The following ANKRD28 variants were observed in gnomAD, a reference collection of about 807,000 sequenced individuals.
ANKRD28 encodes the protein serine/threonine-protein phosphatase 6 regulatory ankyrin repeat subunit A.
In ANKRD28, 44 loss-of-function variants were observed where a neutral mutation model predicts 126.5. The observed-to-expected ratio is 0.35, with a 90% CI of 0.27 to 0.45. The LOEUF is 0.45. ANKRD28 is among the 20% of genes least tolerant of loss of function. The probability of loss-of-function intolerance (pLI) is 1.00; values close to 1 mark genes in which losing one functional copy is unlikely to be tolerated. For missense variants in ANKRD28, 1,110 were observed against 1,316.6 expected, an observed-to-expected ratio of 0.84 and a Z score of 2.43; for synonymous variants, 442 against 468.5, an observed-to-expected ratio of 0.94 and a Z score of 0.73.
Position 15,797,838 on chromosome 3 carries a change from AG to A in ANKRD28, c.-1318del, listed in dbSNP as rs1559552012. 2.0e-6 allele frequency: 2 copies of A among 985,282 alleles called. No homozygotes were observed. The highest frequency in any genetic ancestry group is 2.3e-4 in the East Asian group (2 of 8,830). The allele number at this position is 985,282 out of a possible 1,614,324, so 61.0% of individuals were successfully genotyped here. ...ACACCACTGACATCCCCAAATGAGT[AG>A]GTCCTTAAAAAATATCTATAGAACC... On this transcript the variant is annotated 5_prime_UTR_variant, in exon 1 of 28. Transcript: ENST00000683139.
chr3:15,708,144 C>A, intron 13 of ANKRD28, 80 bp from the exon 14 acceptor site: 1 of 1,442,040 alleles, frequency 6.9e-7, no homozygotes, highest in South Asian at 1.3e-5. Flanking sequence ...ACTCTTACTC[C>A]TCCCAGTTAC....
chr3:15,781,198 T>C (rs2059523986), intron 2 of ANKRD28, among the ~76,000 whole-genome samples: 1 of 152,016 alleles, frequency 6.6e-6, no homozygotes, highest in Non-Finnish European at 1.5e-5. Context: ...GAAAACAACC[T>C]GATTAAAAGA....
rs2061368854 is a variant in ANKRD28, at chr3:15,838,639, T to C, written c.27+20738A>G. On this transcript the variant is annotated intron_variant, in intron 1 of 27. Coordinates refer to the ANKRD28 transcript ENST00000399451. The surrounding 1 kb of genome is among the most constrained non-coding windows in gnomAD (Gnocchi z 4.0). ...GGCACATGCCTGTAATCCCAGCTAC[T>C]TGGGAGGCTGAGGCAGGAGAACTAC... Among the ~76,000 whole-genome samples the C allele has an allele frequency of 6.6e-6, 1 of 151,860 alleles. No individual in the cohort carries two copies. Among genetic ancestry groups the C allele is most frequent in the Admixed American group, 6.6e-5 (1 of 15,258 alleles).
At position 15,678,484 on chromosome 3, in the gene ANKRD28, C is replaced by A. The variant is rs1575103780; in HGVS notation, c.2562-130G>T. 5 of 730,276 alleles carry A rather than the reference C, an allele frequency of 6.8e-6. No individual in the cohort carries two copies. The East Asian group carries it at 1.5e-4, about 22-fold the overall frequency. 45.2% of individuals were successfully genotyped at this position (730,276 alleles called of 1,614,324 possible). Reference sequence around the variant, plus strand: ...AGGCTACAAAAGCACTGCCTGTACACAAACAAATAGGCTCAATGGAGCTTA... The same window carrying A: ...AGGCTACAAAAGCACTGCCTGTACAAAAACAAATAGGCTCAATGGAGCTTA... On this transcript the variant is annotated intron_variant, in intron 23 of 27. Coordinates refer to ENST00000683139, the MANE Select transcript of ANKRD28 (RefSeq NM_001349278.2).
chr3:15,668,891 T>C lies in ANKRD28; in HGVS notation c.*1379A>G, dbSNP rs940527484. Reference sequence around the variant, plus strand: ...TTGGGTATCATTTTGTTGCAATTTATAGAACTTTACCCATACCTGTAAGAC... The same window carrying C: ...TTGGGTATCATTTTGTTGCAATTTACAGAACTTTACCCATACCTGTAAGAC... On this transcript the variant is annotated 3_prime_UTR_variant, in exon 28 of 28. Transcript: ENST00000683139. The C allele has an allele frequency of 3.9e-5, 6 of 152,676 alleles. No individual in the cohort carries two copies. Among genetic ancestry groups the C allele is most frequent in the African/African-American group, 1.4e-4 (6 of 41,466 alleles). 9.5% of individuals were successfully genotyped at this position (152,676 alleles called of 1,614,324 possible).
At chr3:15,685,161 A>C in intron 21 of ANKRD28, 65 bp downstream of exon 21, 1 of 1,561,768 alleles carries the variant, frequency 6.4e-7, no homozygotes, top group Admixed American at 1.7e-5. Context: ...TTTGCCTTAT[A>C]AATATGTCAT....
Position 15,737,099 on chromosome 3 carries a change from A to T in ANKRD28, c.486T>A (p.Asn162Lys), listed in dbSNP as rs2075068981. 6.2e-7 allele frequency: 1 copy of T among 1,613,888 alleles called. No homozygotes were observed. Among genetic ancestry groups the T allele is most frequent in the Non-Finnish European group, 8.5e-7 (1 of 1,179,912 alleles). Reference sequence around the variant, plus strand: ...TCCCTGCTCGATCAGATACGTTTACATTACTCAGAAGAGGTACCAAAGCTT... The same window carrying T: ...TCCCTGCTCGATCAGATACGTTTACTTTACTCAGAAGAGGTACCAAAGCTT... The part of the protein sequence containing the change: ...CAEALVPLLS[N>K]VNVSDRAGRT... The change falls in exon 5 of 28, where the codon AAT becomes AAA. Residue 162 changes from asparagine to lysine, a missense_variant. Asn to Lys is a moderately conservative substitution (Grantham distance 94, BLOSUM62 0). Transcript: ENST00000683139.
At chr3:15,774,578 TA>T (rs1442620501) in intron 2 of ANKRD28, among the ~76,000 whole-genome samples, 2 of 152,152 alleles carry the variant, frequency 1.3e-5, no homozygotes, top group African/African-American at 4.8e-5. Flanking sequence ...AGCAAAATGT[TA>T]AAAGCACTCA....
intron 4 of ANKRD28, 145 bp from the exon 5 acceptor site, chr3:15,737,378 T>C: frequency 1.4e-6 from 1 of 710,016 alleles, no homozygotes; most frequent in South Asian, 2.1e-5. Context: ...TATAAACAAG[T>C]AGGAATTTAC....
chr3:15,700,261 C>A (rs1362986048), intron 14 of ANKRD28, among the ~76,000 whole-genome samples: 1 of 152,032 alleles, frequency 6.6e-6, no homozygotes, highest in African/African-American at 2.4e-5. Flanking sequence ...AACATGTGGA[C>A]ACAGGGAGGG....
chr3:15,696,167 T>C lies in ANKRD28; in HGVS notation c.1626A>G (p.Ser542=), dbSNP rs1367998261. The change falls in exon 15 of 28, where the codon TCA becomes TCG. Residue 542 remains serine, a synonymous_variant. Coordinates refer to ENST00000683139, the MANE Select transcript of ANKRD28 (RefSeq NM_001349278.2). Reference sequence around the variant, plus strand: ...GACATAGACGGTGACCATAAGCAGCTGAATAATGAACTGCGTTGTATCCTT... The same window carrying C: ...GACATAGACGGTGACCATAAGCAGCCGAATAATGAACTGCGTTGTATCCTT... ...DKQGYNAVHY[S]AAYGHRLCLQ... The C allele has an allele frequency of 6.3e-7, 1 of 1,591,962 alleles. No homozygotes were observed. Among genetic ancestry groups the C allele is most frequent in the Non-Finnish European group, 8.6e-7 (1 of 1,167,256 alleles).
chr3:15,704,682 ATTGTACCCAATT>A (rs1257327258), intron 14 of ANKRD28, among the ~76,000 whole-genome samples: 2 of 152,198 alleles, frequency 1.3e-5, no homozygotes, highest in Non-Finnish European at 2.9e-5. Context: ...ATTGGGTACA[ATTGTACCCAATT>A]TAAGAAAAAT....
At chr3:15,768,692 CAT>C (rs2058861419) in intron 2 of ANKRD28, among the ~76,000 whole-genome samples, 3 of 152,022 alleles carry the variant, frequency 2.0e-5, no homozygotes, top group Admixed American at 6.6e-5. Context: ...ATGTGTGTAA[CAT>C]ATAATTATCA....
intron 4 of ANKRD28, among the ~76,000 whole-genome samples, chr3:15,748,184 T>C (rs1380638713): frequency 6.6e-6 from 1 of 152,240 alleles, no homozygotes; most frequent in Non-Finnish European, 1.5e-5. Context: ...TTAGGCCATT[T>C]ACATTCAATG....
intron 2 of ANKRD28, among the ~76,000 whole-genome samples, chr3:15,770,191 C>G (rs1444360603): frequency 6.6e-6 from 1 of 152,050 alleles, no homozygotes; most frequent in Non-Finnish European, 1.5e-5. Flanking sequence ...CTCTGACAGA[C>G]AACTGTAAAA....
intron 4 of ANKRD28, among the ~76,000 whole-genome samples, chr3:15,743,879 A>C (rs1281189875): frequency 6.6e-6 from 1 of 152,146 alleles, no homozygotes; most frequent in Non-Finnish European, 1.5e-5. Flanking sequence ...GTGCTAAGTT[A>C]AGTTCTCTTC....
intron 1 of ANKRD28, among the ~76,000 whole-genome samples, chr3:15,850,259 A>AGAGAGAGAGAGG (rs1370551633): frequency 1.5e-4 from 17 of 115,782 alleles, no homozygotes; most frequent in Non-Finnish European, 1.7e-4. Context: ...AGAGAGAGAG[A>AGAGAGAGAGAGG]GAGAAAGTTG....
At chr3:15,708,431 G>A (rs1167800129) in intron 13 of ANKRD28, among the ~76,000 whole-genome samples, 1 of 152,026 alleles carries the variant, frequency 6.6e-6, no homozygotes, top group Non-Finnish European at 1.5e-5. Flanking sequence ...CCACAGTACA[G>A]AGGTAGCAAT....
rs1020914840 is a variant in ANKRD28 at position 15,843,181 on chromosome 3, G to C, written c.27+16196C>G. 1.3e-5 allele frequency among the ~76,000 whole-genome samples: 2 copies of C among 152,204 alleles called. No homozygotes were observed. Among genetic ancestry groups the C allele is most frequent in the Non-Finnish European group, 2.9e-5 (2 of 68,038 alleles). On this transcript the variant is annotated intron_variant, in intron 1 of 27. Coordinates refer to the ANKRD28 transcript ENST00000399451. The surrounding 1 kb of genome is among the most constrained non-coding windows in gnomAD (Gnocchi z 5.2). ...GTAGCAGGCACATCACATGGTGAAA[G>C]TAGGAGCAAGACAGATCAAGTGGCG...
Sources: gnomAD v4.1 joint callset for allele counts (sites outside exome capture counted in the v4.1 genomes callset) on GRCh38, gnomAD v4.1.1 for gene constraint, Gnocchi (gnomAD v3.1) non-coding constraint, MANE v1.5 for transcripts, NCBI Gene and HGNC (gene_info 2026-07-23, HGNC 2026-07-21) for gene names.